The following TLCD4 variants were observed in gnomAD, a reference collection of about 807,000 sequenced individuals.
TLCD4 encodes TLC domain containing 4, also known as TLC domain-containing protein 4.
Under a neutral mutation model 24.2 loss-of-function variants are expected in TLCD4, and 7 were observed. The ratio of observed to expected loss-of-function variants is 0.29; its 90% confidence interval spans 0.16 to 0.54. The LOEUF (loss-of-function observed/expected upper bound fraction) is 0.54, where lower values mean the gene tolerates loss of function less well. Among genes scored for constraint, TLCD4 ranks in the 20% least tolerant of loss-of-function variants. The pLI, the probability that TLCD4 is intolerant of heterozygous loss-of-function variation, is 0.95. For synonymous variants in TLCD4, 103 were observed against 106.4 expected (o/e 0.97, Z 0.20); for missense variants, 259 against 313.9 (o/e 0.82, Z 1.32).
intron 1 of TLCD4, among the ~76,000 whole-genome samples, chr1:95,132,217 G>T (rs1676915536): frequency 6.6e-6 from 1 of 152,124 alleles, no homozygotes; most frequent in Non-Finnish European, 1.5e-5. Context: ...CACTTTGGAA[G>T]GCCAAGGTGG....
At chr1:95,158,670 C>G (rs1677699741) in intron 5 of TLCD4, among the ~76,000 whole-genome samples, 2 of 142,036 alleles carry the variant, frequency 1.4e-5, no homozygotes, top group Non-Finnish European at 1.5e-5. Context: ...CCCCCCACCC[C>G]ATGACAGGCC....
intron 1 of TLCD4, among the ~76,000 whole-genome samples, chr1:95,124,527 A>T (rs1476539702): frequency 6.6e-6 from 1 of 152,146 alleles, no homozygotes; most frequent in Non-Finnish European, 1.5e-5. Flanking sequence ...ATCTCATATC[A>T]TGTTGCCCAG....
intron 5 of TLCD4, among the ~76,000 whole-genome samples, chr1:95,162,859 G>C (rs1251635882): frequency 2.6e-5 from 4 of 152,196 alleles, no homozygotes; most frequent in Non-Finnish European, 1.5e-5. Context: ...TAGAGTTTCT[G>C]CCGAGAGATC....
intron 1 of TLCD4, among the ~76,000 whole-genome samples, chr1:95,132,318 G>A (rs1276668251): frequency 3.3e-5 from 5 of 152,122 alleles, no homozygotes; most frequent in Admixed American, 2.0e-4. Context: ...TTAGCCAGGC[G>A]TGGTGGCACA....
intron 6 of TLCD4, among the ~76,000 whole-genome samples, chr1:95,189,357 C>A (rs115919363): frequency 1.3e-5 from 2 of 152,228 alleles, no homozygotes; most frequent in South Asian, 2.1e-4. Flanking sequence ...AGTTAAGATT[C>A]TTTTGTCACT....
intron 5 of TLCD4, among the ~76,000 whole-genome samples, chr1:95,158,936 T>G (rs1173109551): frequency 1.3e-5 from 2 of 152,206 alleles, no homozygotes; most frequent in Non-Finnish European, 2.9e-5. Context: ...GTTCCAAGTC[T>G]TTGCTATTGT....
At chr1:95,115,088 T>TTATATATATATACATATATA (rs138716819), upstream of TLCD4, among the ~76,000 whole-genome samples, 2 of 143,846 alleles carry the variant, frequency 1.4e-5, no homozygotes, top group Admixed American at 1.4e-4. Flanking sequence ...TATATACACA[T>TTATATATATATACATATATA]TATATATATA....
intron 6 of TLCD4, among the ~76,000 whole-genome samples, chr1:95,181,216 G>A (rs558674502): frequency 1.3e-5 from 2 of 151,658 alleles, no homozygotes; most frequent in Non-Finnish European, 2.9e-5. Flanking sequence ...AAAAAAAACA[G>A]TAGGAACAGT....
the TLCD4 span, among the ~76,000 whole-genome samples, chr1:95,101,551 T>C: frequency 1.4e-5 from 2 of 144,076 alleles, no homozygotes; most frequent in African/African-American, 4.9e-5. Flanking sequence ...GGGAGCCACA[T>C]TGCCCAGCCA....
chr1:95,142,886 G>T, intron 1 of TLCD4, among the ~76,000 whole-genome samples: 1 of 148,566 alleles, frequency 6.7e-6, no homozygotes, highest in East Asian at 2.1e-4. Flanking sequence ...GGAGGCGGAG[G>T]TTGCAGTGAG....
chr1:95,103,771 A>G, the TLCD4 span, among the ~76,000 whole-genome samples: 1 of 152,204 alleles, frequency 6.6e-6, no homozygotes, highest in Admixed American at 6.5e-5. Flanking sequence ...AATGTCTTGT[A>G]CGACTAGCAA....
At chr1:95,104,467 A>T in the TLCD4 span, among the ~76,000 whole-genome samples, 1 of 151,808 alleles carries the variant, frequency 6.6e-6, no homozygotes, top group Non-Finnish European at 1.5e-5. Context: ...GATCGAGACC[A>T]TGCTGGCTAA....
At position 95,193,616 on chromosome 1, in the gene TLCD4, A is replaced by G. The variant is rs1015625571; in HGVS notation, c.*1748A>G. ...GATTTGCTTTTATTATTCAATGCAGATAGAGCCTGATAAGTTTTAGAACAT... is the reference window on the plus strand; with the variant it reads ...GATTTGCTTTTATTATTCAATGCAGGTAGAGCCTGATAAGTTTTAGAACAT... On this transcript the variant is annotated 3_prime_UTR_variant, in exon 7 of 7. Coordinates refer to ENST00000370203, the MANE Select transcript of TLCD4 (RefSeq NM_152487.3). The G allele has an allele frequency of 1.3e-5, 2 of 152,116 alleles. No homozygotes were observed. Among genetic ancestry groups the G allele is most frequent in the African/African-American group, 4.8e-5 (2 of 41,452 alleles). 9.4% of individuals were successfully genotyped at this position (152,116 alleles called of 1,614,324 possible). A position where few individuals can be genotyped will look rare whatever the true frequency, so the allele number is the denominator to read the frequency against.
intron 5 of TLCD4, among the ~76,000 whole-genome samples, chr1:95,155,910 G>A (rs968946795): frequency 1.3e-4 from 20 of 152,070 alleles, no homozygotes; most frequent in African/African-American, 4.1e-4. Context: ...TTAAATATAA[G>A]ATACTATTTA....
At chr1:95,100,020 G>A in the TLCD4 span, among the ~76,000 whole-genome samples, 1 of 151,144 alleles carries the variant, frequency 6.6e-6, no homozygotes, top group Non-Finnish European at 1.5e-5. Context: ...TCAGGCCATG[G>A]TCCCCACTAC....
rs111680163 is a variant in TLCD4, at chr1:95,168,873, C to T, written c.400-4943C>T. 2.9e-4 allele frequency among the ~76,000 whole-genome samples: 44 copies of T among 152,302 alleles called. 3 individuals carry two copies. Among genetic ancestry groups the T allele is most frequent in the African/African-American group, 1.1e-3 (44 of 41,566 alleles). On this transcript the variant is annotated intron_variant, in intron 5 of 6. Coordinates refer to ENST00000370203, the MANE Select transcript of TLCD4 (RefSeq NM_152487.3). ...AAGGAACAGGAAATGTAGATATTTG[C>T]AAGGAGCTAAGTACTCTCACAGATA...
chr1:95,125,990 A>T (rs1476704302), intron 1 of TLCD4, among the ~76,000 whole-genome samples: 3 of 266 alleles, frequency 0.011, no homozygotes, highest in African/African-American at 0.015. Flanking sequence ...CATCTCTATT[A>T]AAAAAAAAAA....
intron 3 of TLCD4, 97 bp from the exon 4 acceptor site, chr1:95,150,110 AG>A (rs1309908922): frequency 6.3e-6 from 9 of 1,433,006 alleles, no homozygotes; most frequent in Non-Finnish European, 8.3e-6. Context: ...GAGAATCTAT[AG>A]AAAGCAATTT....
chr1:95,110,992 A>C, the TLCD4 span, among the ~76,000 whole-genome samples: 8 of 151,418 alleles, frequency 5.3e-5, no homozygotes, highest in East Asian at 1.6e-3. Flanking sequence ...TAAAAACGTT[A>C]GAGATTTATG....
Sources: gnomAD v4.1 joint callset for allele counts (sites outside exome capture counted in the v4.1 genomes callset) on GRCh38, gnomAD v4.1.1 for gene constraint, MANE v1.5 for transcripts, NCBI Gene and HGNC (gene_info 2026-07-23, HGNC 2026-07-21) for gene names.